The following DOCK7 variants were observed in gnomAD, a reference collection of about 807,000 sequenced individuals.
DOCK7 encodes dedicator of cytokinesis 7.
Under a neutral mutation model 271.0 loss-of-function variants are expected in DOCK7, and 138 were observed. That is an observed-to-expected ratio of 0.51 (90% CI 0.44 to 0.59). The LOEUF (loss-of-function observed/expected upper bound fraction) is 0.59, where lower values mean the gene tolerates loss of function less well. DOCK7 is among the 20% of genes least tolerant of loss of function. DOCK7 has a pLI of 0.00. For synonymous variants in DOCK7, 823 were observed against 876.1 expected, an observed-to-expected ratio of 0.94 and a Z score of 1.07; for missense variants, 2,066 against 2,592.4, an observed-to-expected ratio of 0.80 and a Z score of 4.41.
rs1345748480 is a variant in DOCK7, at chr1:62,539,532, A to T, written c.3300+13T>A. 1 of 1,566,438 alleles carries T rather than the reference A, an allele frequency of 6.4e-7. No homozygotes were observed. The highest frequency in any genetic ancestry group is 1.8e-5 in the Admixed American group (1 of 54,384). On this transcript the variant is annotated intron_variant, in intron 27 of 49. Transcript: ENST00000635253. ...AATTATTTGATTACTAATTATTCCT[A>T]ACTATGCATTACCTGTTTATAGCAG...
intron 31 of DOCK7, among the ~76,000 whole-genome samples, chr1:62,518,308 A>G (rs1391486793): frequency 6.6e-6 from 1 of 152,118 alleles, no homozygotes. Flanking sequence ...GTGGTGGCTC[A>G]CGCCTGTAAT....
Position 62,488,943 on chromosome 1 carries a change from A to G in DOCK7, c.5484T>C (p.Ile1828=). The part of the protein sequence containing the change: ...HGKLQEAFSK[I]VHQSTGWERM... ...AAATTGGAATCATTACCTGATGAACAATTTTGCTGAATGCTTCTTGAAGTT... is the reference window on the plus strand; with the variant it reads ...AAATTGGAATCATTACCTGATGAACGATTTTGCTGAATGCTTCTTGAAGTT... Residue 1828 remains isoleucine, a synonymous_variant, in exon 42 of 50, where the codon ATT becomes ATC. Coordinates refer to ENST00000635253, the MANE Select transcript of DOCK7 (RefSeq NM_001367561.1). The G allele has an allele frequency of 6.2e-7, 1 of 1,613,698 alleles. No individual in the cohort carries two copies. The highest frequency in any genetic ancestry group is 1.7e-4 in the Middle Eastern group (1 of 6,052).
At chr1:62,583,653 CAG>C (rs1571644538) in intron 15 of DOCK7, among the ~76,000 whole-genome samples, 2 of 152,186 alleles carry the variant, frequency 1.3e-5, no homozygotes, top group East Asian at 3.9e-4. Context: ...ACTAAAACAG[CAG>C]AGTCATTCTG....
chr1:62,545,869 G>C (rs1041075705), intron 22 of DOCK7, among the ~76,000 whole-genome samples: 1 of 152,070 alleles, frequency 6.6e-6, no homozygotes, highest in Admixed American at 6.6e-5. Flanking sequence ...CTGACTGTTG[G>C]TCAGAATCAA....
chr1:62,548,061 C>G (rs1011461890), intron 22 of DOCK7, among the ~76,000 whole-genome samples: 9 of 152,016 alleles, frequency 5.9e-5, no homozygotes, highest in African/African-American at 2.2e-4. Flanking sequence ...ATCTACTGAG[C>G]ACCTTGAATA....
At position 62,545,051 on chromosome 1, in the gene DOCK7, A is replaced by G. The variant is rs1645657504; in HGVS notation, c.2767-12T>C. 1 of 1,537,228 alleles carries G rather than the reference A, an allele frequency of 6.5e-7. No homozygotes were observed. Among genetic ancestry groups the G allele is most frequent in the Admixed American group, 2.1e-5 (1 of 48,624 alleles). On this transcript the variant is annotated splice_polypyrimidine_tract_variant and intron_variant, in intron 22 of 49. Transcript: ENST00000635253. ...GAGCGATCTAAACCCTAAGCATATA[A>G]TAGAAAGCAGTTTGAAAGGAAAGAA...
In DOCK7 at chr1:62,654,124, C is replaced by G. The variant is rs773977723; in HGVS notation, c.180G>C (p.Leu60Phe). ...AAGGATGAGTAATGAGGTAATCTTC[C>G]AAATCCACTGGATCTACTGCTTCGG... The part of the protein sequence containing the change: ...PLTEAVDPVD[L>F]EDYLITHPLA... Residue 60 changes from leucine (L) to phenylalanine (F), a missense_variant, in exon 3 of 50, where the codon TTG (leucine) becomes TTC (phenylalanine). Physicochemically the swap from Leu to Phe is conservative, Grantham distance 22 (BLOSUM62 0). Coordinates refer to ENST00000635253, the MANE Select transcript of DOCK7 (RefSeq NM_001367561.1). 3 of 1,613,848 alleles carry G rather than the reference C, an allele frequency of 1.9e-6. No homozygotes were observed. The East Asian group carries it at 6.7e-5, about 36-fold the overall frequency.
rs183729790 is a variant in DOCK7 at position 62,622,177 on chromosome 1, T to C, written c.1426-2184A>G. On this transcript the variant is annotated intron_variant, in intron 12 of 49. Coordinates refer to ENST00000635253, the MANE Select transcript of DOCK7 (RefSeq NM_001367561.1). ...AGATGACAGTAGAATTTGAGAGACATGTCACAGAGCTGAGTCATTTCTGTC... is the reference window on the plus strand; with the variant it reads ...AGATGACAGTAGAATTTGAGAGACACGTCACAGAGCTGAGTCATTTCTGTC... Among the ~76,000 whole-genome samples the C allele has an allele frequency of 7.7e-4, 117 of 152,338 alleles. 2 individuals carry two copies. Among genetic ancestry groups the C allele is most frequent in the African/African-American group, 2.8e-3 (115 of 41,584 alleles).
At chr1:62,458,147 T>C in intron 48 of DOCK7, 1 of 162,480 alleles carries the variant, frequency 6.2e-6, no homozygotes, top group Admixed American at 6.7e-5. Flanking sequence ...TGGGACTGTC[T>C]CAAACGTGGG....
intron 17 of DOCK7, among the ~76,000 whole-genome samples, chr1:62,578,199 T>C (rs963372101): frequency 3.9e-5 from 6 of 152,216 alleles, no homozygotes; most frequent in African/African-American, 1.4e-4. Flanking sequence ...ACTCATTTTA[T>C]ATAAAATCAT....
intron 48 of DOCK7, among the ~76,000 whole-genome samples, chr1:62,460,126 T>TTG (rs1645476141): frequency 7.1e-6 from 1 of 140,816 alleles, no homozygotes; most frequent in Non-Finnish European, 1.5e-5. Context: ...AAAAAAAAGA[T>TTG]TCCAGAGTAT....
At chr1:62,500,003 G>A (rs1571308067) in intron 37 of DOCK7, among the ~76,000 whole-genome samples, 1 of 151,576 alleles carries the variant, frequency 6.6e-6, no homozygotes, top group Admixed American at 6.6e-5. Context: ...GAAAGTTTAG[G>A]CAGTTAGGCA....
At chr1:62,598,003 C>T (rs771514856) in intron 14 of DOCK7, 8 of 1,570,256 alleles carry the variant, frequency 5.1e-6, no homozygotes, top group Non-Finnish European at 6.8e-6. Flanking sequence ...GAGCAACTAA[C>T]TAACTTAATT....
In DOCK7 at chr1:62,648,123, G is replaced by A. The variant is rs1656898963; in HGVS notation, c.715C>T (p.His239Tyr). 4 of 1,612,972 alleles carry A rather than the reference G, an allele frequency of 2.5e-6. No homozygotes were observed. Among genetic ancestry groups the A allele is most frequent in the Non-Finnish European group, 3.4e-6 (4 of 1,179,490 alleles). The change falls in exon 6 of 50, where the codon CAT (histidine) becomes TAT (tyrosine). Residue 239 changes from histidine (H) to tyrosine (Y), a missense_variant. By Grantham distance (83) the His-to-Tyr change is moderately conservative. Coordinates refer to ENST00000635253, the MANE Select transcript of DOCK7 (RefSeq NM_001367561.1). ...ATCTATACCTCATCTGGTGATGGATGCAAAGCAAAAAGTTCTTTGTGACGG... is the reference window on the plus strand; with the variant it reads ...ATCTATACCTCATCTGGTGATGGATACAAAGCAAAAAGTTCTTTGTGACGG... ...SNRHKELFAL[H>Y]PSPDEEEPIE...
At chr1:62,593,963 G>C (rs1648845843) in intron 14 of DOCK7, among the ~76,000 whole-genome samples, 1 of 152,098 alleles carries the variant, frequency 6.6e-6, no homozygotes, top group African/African-American at 2.4e-5. Flanking sequence ...ACCTCGTGTA[G>C]GATAAAGGAC....
intron 12 of DOCK7, among the ~76,000 whole-genome samples, chr1:62,624,084 C>G (rs1301057537): frequency 6.6e-6 from 1 of 152,182 alleles, no homozygotes; most frequent in Non-Finnish European, 1.5e-5. Context: ...TACGCTAATA[C>G]AAATTTTCTC....
At chr1:62,619,852 T>G (rs1300529429) in intron 13 of DOCK7, 48 bp downstream of exon 13, 1 of 1,194,922 alleles carries the variant, frequency 8.4e-7, no homozygotes, top group Non-Finnish European at 1.2e-6. Context: ...TACAACATAG[T>G]AGTGATAATA....
intron 48 of DOCK7, among the ~76,000 whole-genome samples, chr1:62,468,360 CAA>C (rs201784083): frequency 7.5e-5 from 7 of 93,054 alleles, no homozygotes; most frequent in Admixed American, 1.1e-4. Context: ...GACTCTGTCT[CAA>C]AAAAAAAAAA....
intron 1 of DOCK7, among the ~76,000 whole-genome samples, chr1:62,682,419 T>C (rs1557904714): frequency 2.0e-5 from 3 of 152,166 alleles, no homozygotes; most frequent in African/African-American, 4.8e-5. Flanking sequence ...ACACTTTATG[T>C]GTCAGATATC....
Sources: gnomAD v4.1 joint callset for allele counts (sites outside exome capture counted in the v4.1 genomes callset) on GRCh38, gnomAD v4.1.1 for gene constraint, MANE v1.5 for transcripts, NCBI Gene and HGNC (gene_info 2026-07-23, HGNC 2026-07-21) for gene names.